SYN3: variants seen among roughly 807,000 people sequenced by gnomAD.
SYN3 encodes synapsin III, also known as synapsin-3.
In SYN3, 35 loss-of-function variants were observed where a neutral mutation model predicts 65.8. The ratio of observed to expected loss-of-function variants is 0.53; its 90% CI spans 0.41 to 0.70. SYN3 has a LOEUF of 0.70. Ranked by LOEUF, SYN3 falls within the 30% of genes least tolerant of loss-of-function variation. SYN3 has a pLI of 0.00. For synonymous variants in SYN3, 270 were observed against 292.9 expected (o/e 0.92, Z 0.80); for missense variants, 680 against 749.0 (o/e 0.91, Z 1.08).
intron 4 of SYN3, among the ~76,000 whole-genome samples, chr22:32,882,203 T>C (rs1478407445): frequency 1.3e-5 from 2 of 152,110 alleles, no homozygotes; most frequent in Non-Finnish European, 2.9e-5. Flanking sequence ...CCTCCTCCCC[T>C]GCCCATCGGT....
intron 2 of SYN3, among the ~76,000 whole-genome samples, chr22:32,988,307 AAATAATAATAATAATAAT>A (rs58058197): frequency 2.0e-4 from 28 of 142,610 alleles, no homozygotes; most frequent in African/African-American, 6.3e-4. Context: ...CTCTGTCTCA[AAATAATAATAATAATAAT>A]AATAATAATA....
intron 6 of SYN3, among the ~76,000 whole-genome samples, chr22:32,728,739 C>T (rs573901353): frequency 3.3e-5 from 5 of 152,322 alleles, no homozygotes; most frequent in Admixed American, 3.3e-4. Context: ...TTGGAGACCC[C>T]TGAGGTATGG....
intron 6 of SYN3, among the ~76,000 whole-genome samples, chr22:32,673,442 A>T (rs2147076093): frequency 6.6e-6 from 1 of 152,322 alleles, no homozygotes; most frequent in East Asian, 1.9e-4. Flanking sequence ...CATGGATGAA[A>T]CGACCAAGCC....
chr22:32,586,318 T>C (rs1569066096), intron 7 of SYN3, among the ~76,000 whole-genome samples: 1 of 152,136 alleles, frequency 6.6e-6, no homozygotes, highest in Non-Finnish European at 1.5e-5. Context: ...CTGGTCACAA[T>C]ATTTTCATCC....
At chr22:32,825,268 T>C (rs576871931) in intron 6 of SYN3, among the ~76,000 whole-genome samples, 2 of 152,268 alleles carry the variant, frequency 1.3e-5, no homozygotes, top group African/African-American at 2.4e-5. Flanking sequence ...TGGCGGAAGA[T>C]CTGCTGACTT....
At chr22:32,654,208 C>T (rs145218085) in intron 6 of SYN3, among the ~76,000 whole-genome samples, 240 of 152,272 alleles carry the variant, frequency 1.6e-3, no homozygotes, top group African/African-American at 5.5e-3. Flanking sequence ...TGTTTCATTT[C>T]CTCCATCCCA....
chr22:32,721,889 G>C (rs2061124413), intron 6 of SYN3, among the ~76,000 whole-genome samples: 1 of 152,224 alleles, frequency 6.6e-6, no homozygotes, highest in African/African-American at 2.4e-5. Context: ...GGGGACATTT[G>C]AACTGGAACC....
chr22:32,649,820 G>A (rs1569124071), intron 6 of SYN3, among the ~76,000 whole-genome samples: 1 of 152,190 alleles, frequency 6.6e-6, no homozygotes, highest in Non-Finnish European at 1.5e-5. Flanking sequence ...AACATTAGTA[G>A]ACAGGGCTGG....
chr22:32,585,868 G>A (rs1461768024), intron 7 of SYN3, among the ~76,000 whole-genome samples: 4 of 151,058 alleles, frequency 2.6e-5, no homozygotes, highest in Non-Finnish European at 5.9e-5. Context: ...GTATATATAC[G>A]TATATAGACA....
At chr22:32,612,541 A>C (rs1412415058) in intron 6 of SYN3, among the ~76,000 whole-genome samples, 1 of 152,226 alleles carries the variant, frequency 6.6e-6, no homozygotes, top group Non-Finnish European at 1.5e-5. Flanking sequence ...TAAAGAAAAA[A>C]GTATAGAGAA....
At chr22:32,759,051 T>A (rs551367522) in intron 6 of SYN3, among the ~76,000 whole-genome samples, 3 of 152,220 alleles carry the variant, frequency 2.0e-5, no homozygotes, top group African/African-American at 7.2e-5. Context: ...ACTCATAAGA[T>A]TATATCCCAA....
At chr22:32,803,415 AGAGTGGG>A (rs1225123186) in intron 6 of SYN3, among the ~76,000 whole-genome samples, 1 of 152,114 alleles carries the variant, frequency 6.6e-6, no homozygotes, top group Non-Finnish European at 1.5e-5. Flanking sequence ...CCTAGAGGTC[AGAGTGGG>A]GGTGTGGTGA....
At chr22:33,026,157 T>C (rs1300529535) in intron 1 of SYN3, among the ~76,000 whole-genome samples, 1 of 152,198 alleles carries the variant, frequency 6.6e-6, no homozygotes, top group Non-Finnish European at 1.5e-5. Flanking sequence ...CTTTCATTCA[T>C]GCCATTGGGG....
intron 4 of SYN3, among the ~76,000 whole-genome samples, chr22:32,896,773 G>T (rs535911281): frequency 6.6e-6 from 1 of 152,192 alleles, no homozygotes; most frequent in East Asian, 1.9e-4. Context: ...CTGTCACCTT[G>T]TTCGAAGATG....
intron 6 of SYN3, among the ~76,000 whole-genome samples, chr22:32,619,068 T>C (rs2059559619): frequency 6.6e-6 from 1 of 152,186 alleles, no homozygotes; most frequent in Admixed American, 6.5e-5. Flanking sequence ...ATTGAGCATT[T>C]GGTTGCAGGG....
intron 4 of SYN3, among the ~76,000 whole-genome samples, chr22:32,890,689 C>T (rs906826786): frequency 1.2e-4 from 19 of 152,140 alleles, no homozygotes; most frequent in African/African-American, 4.6e-4. Context: ...CGATTTAGCA[C>T]ATTTTTAACC....
chr22:33,020,472 A>G (rs713832), intron 1 of SYN3, among the ~76,000 whole-genome samples: 107,316 of 152,002 alleles, frequency 0.71, 38,563 homozygotes, highest in African/African-American at 0.79. Context: ...AGCCCAGAGT[A>G]CCAGCACCTC....
chr22:32,871,230 T>C (rs2048841969), intron 4 of SYN3, among the ~76,000 whole-genome samples: 1 of 152,176 alleles, frequency 6.6e-6, no homozygotes, highest in Non-Finnish European at 1.5e-5. Flanking sequence ...ACACCAAACC[T>C]GGCTATCTAA....
chr22:32,746,483 C>G (rs1428512744), intron 6 of SYN3, among the ~76,000 whole-genome samples: 2 of 152,078 alleles, frequency 1.3e-5, no homozygotes, highest in Non-Finnish European at 2.9e-5. Context: ...TGGACAAACC[C>G]ATGACCACAG....
Sources: gnomAD v4.1 joint callset for allele counts (sites outside exome capture counted in the v4.1 genomes callset) on GRCh38, gnomAD v4.1.1 for gene constraint, MANE v1.5 for transcripts, NCBI Gene and HGNC (gene_info 2026-07-23, HGNC 2026-07-21) for gene names.